The following MCM9 variants were observed in gnomAD, a reference collection of about 807,000 sequenced individuals.
MCM9 encodes DNA helicase MCM9.
In MCM9, 55 loss-of-function variants were observed where a neutral mutation model predicts 72.8. The observed-to-expected ratio is 0.76, with a 90% CI of 0.61 to 0.95. The LOEUF is 0.95. MCM9 is among the 40% of genes least tolerant of loss of function. The probability of loss-of-function intolerance (pLI) is 0.00; values close to 1 mark genes in which losing one functional copy is unlikely to be tolerated. For synonymous variants in MCM9, 480 were observed against 503.4 expected (o/e 0.95, Z 0.62); for missense variants, 1,279 against 1,377.0 (o/e 0.93, Z 1.13).
Position 118,905,592 on chromosome 6 carries a change from T to C in MCM9, c.1150+6058A>G, listed in dbSNP as rs536333803. The C allele has an allele frequency of 1.5e-4, 208 of 1,406,486 alleles. No individual in the cohort carries two copies. In the Middle Eastern group the frequency reaches 1.5e-3, roughly 10 times the overall value. 87.1% of individuals were successfully genotyped at this position (1,406,486 alleles called of 1,614,324 possible). On this transcript the variant is annotated intron_variant, in intron 8 of 13. Coordinates refer to ENST00000619706, the MANE Select transcript of MCM9 (RefSeq NM_017696.3). ...GTTCTAGGTAACTGAAACTCCAGTCTTGCCTGCCACTAACAGCCTTTTGTG... is the reference window on the plus strand; with the variant it reads ...GTTCTAGGTAACTGAAACTCCAGTCCTGCCTGCCACTAACAGCCTTTTGTG...
chr6:118,876,128 GA>G (rs1234567466), intron 8 of MCM9, among the ~76,000 whole-genome samples: 1 of 152,172 alleles, frequency 6.6e-6, no homozygotes, highest in African/African-American at 2.4e-5. Flanking sequence ...AGGCCAATCT[GA>G]AAATACTACA....
intron 6 of MCM9, among the ~76,000 whole-genome samples, chr6:118,914,363 A>G (rs1166284240): frequency 6.6e-6 from 1 of 152,152 alleles, no homozygotes; most frequent in African/African-American, 2.4e-5. Context: ...TAACCAACCT[A>G]TGGAATTCCA....
At chr6:118,888,722 A>G (rs1267766485) in intron 8 of MCM9, among the ~76,000 whole-genome samples, 1 of 152,264 alleles carries the variant, frequency 6.6e-6, no homozygotes, top group Non-Finnish European at 1.5e-5. Context: ...GTATACCTAT[A>G]CAATGGAAAA....
chr6:118,884,625 A>G (rs1778487249), intron 8 of MCM9, among the ~76,000 whole-genome samples: 1 of 152,202 alleles, frequency 6.6e-6, no homozygotes, highest in African/African-American at 2.4e-5. Flanking sequence ...ATCAAAAGGC[A>G]TATATTGACA....
At position 118,824,035 on chromosome 6, in the gene MCM9, CTTTTTTTTTTTTT is replaced by C. The variant is rs137881254; in HGVS notation, c.1961+2099_1961+2111del. On this transcript the variant is annotated intron_variant, in intron 13 of 13. Coordinates refer to ENST00000619706, the MANE Select transcript of MCM9 (RefSeq NM_017696.3). ...TGAAAATATCAATAAGCAAACCCAC[CTTTTTTTTTTTTT>C]TTTTTTTTTTTTTTTTTTTTTTAGA... Among the ~76,000 whole-genome samples, 54 of 54,340 alleles carry C rather than the reference CTTTTTTTTTTTTT, an allele frequency of 9.9e-4. 1 individual carries two copies. In the East Asian group the frequency reaches 0.018, roughly 18 times the overall value. The allele number at this position is 54,340 out of a possible 152,430, so 35.6% of individuals were successfully genotyped here.
chr6:118,815,625 C>CTGAG lies in MCM9; in HGVS notation c.2627_2630dup (p.Gln877HisfsTer8). The CTGAG allele has an allele frequency of 6.4e-7, 1 of 1,550,436 alleles. No individual in the cohort carries two copies. The highest frequency in any genetic ancestry group is 8.7e-7 in the Non-Finnish European group (1 of 1,146,956). On this transcript the variant is annotated frameshift_variant, in exon 14 of 14. Transcript: ENST00000619706. LOFTEE classifies it low-confidence loss of function (END_TRUNC). Reference sequence around the variant, plus strand: ...TGTCTGGGCTATGTACAGGAGTGGACTGAGGATGGGAAGGGACTGTGCACT... The same window carrying CTGAG: ...TGTCTGGGCTATGTACAGGAGTGGACTGAGTGAGGATGGGAAGGGACTGTGCACT...
At chr6:118,910,590 C>T (rs1319128564) in intron 8 of MCM9, 5 of 978,242 alleles carry the variant, frequency 5.1e-6, no homozygotes, top group Non-Finnish European at 6.1e-6. Context: ...GGAAACATTC[C>T]ACATAATTAC....
intron 8 of MCM9, among the ~76,000 whole-genome samples, chr6:118,865,528 G>A (rs549881550): frequency 1.2e-4 from 18 of 152,304 alleles, no homozygotes; most frequent in East Asian, 1.2e-3. Context: ...AAAACATGTA[G>A]CTTCCATCTT....
intron 8 of MCM9, chr6:118,894,259 G>T: frequency 6.9e-7 from 1 of 1,456,462 alleles, no homozygotes; most frequent in African/African-American, 1.4e-5. Context: ...GTGCTCCCGT[G>T]TAAATAAAAA....
chr6:118,889,983 T>C (rs1358616492), intron 8 of MCM9, among the ~76,000 whole-genome samples: 1 of 152,170 alleles, frequency 6.6e-6, no homozygotes, highest in East Asian at 1.9e-4. Flanking sequence ...ATGGAAACCT[T>C]ATAAAAAGTA....
At chr6:118,884,840 G>C (rs1379314020) in intron 8 of MCM9, among the ~76,000 whole-genome samples, 1 of 152,106 alleles carries the variant, frequency 6.6e-6, no homozygotes, top group African/African-American at 2.4e-5. Context: ...CATTTTAAAA[G>C]GATAAAATCA....
intron 8 of MCM9, among the ~76,000 whole-genome samples, chr6:118,869,599 CAAAAAAAA>C: frequency 1.7e-5 from 1 of 58,298 alleles, no homozygotes; most frequent in Non-Finnish European, 3.3e-5. Context: ...AAAGGATTTA[CAAAAAAAA>C]AAAAAAAAAA....
intron 9 of MCM9, among the ~76,000 whole-genome samples, chr6:118,833,538 A>G (rs984015479): frequency 1.3e-5 from 2 of 152,210 alleles, no homozygotes; most frequent in East Asian, 1.9e-4. Flanking sequence ...CCAGGCGTAC[A>G]TAGATAAAGG....
intron 8 of MCM9, among the ~76,000 whole-genome samples, chr6:118,896,375 A>G (rs1779414106): frequency 2.6e-5 from 4 of 151,538 alleles, no homozygotes; most frequent in Admixed American, 1.3e-4. Context: ...AAGTTCTTCA[A>G]ATTACAGGTA....
chr6:118,844,756 T>C (rs1775741226), intron 9 of MCM9, among the ~76,000 whole-genome samples: 1 of 151,896 alleles, frequency 6.6e-6, no homozygotes, highest in African/African-American at 2.4e-5. Context: ...AAGACTTTTC[T>C]CATGAAGAGT....
At chr6:118,857,907 T>A (rs36141626) in intron 8 of MCM9, among the ~76,000 whole-genome samples, 1 of 151,532 alleles carries the variant, frequency 6.6e-6, no homozygotes, top group African/African-American at 2.4e-5. Context: ...GATGGCTTCA[T>A]AGTGAATTCT....
rs1025949187 is a variant in MCM9 at position 118,814,668 on chromosome 6, T to G, written c.*156A>C. 1 of 654,638 alleles carries G rather than the reference T, an allele frequency of 1.5e-6. No homozygotes were observed. The highest frequency in any genetic ancestry group is 2.4e-6 in the Non-Finnish European group (1 of 422,512). The allele number at this position is 654,638 out of a possible 1,614,324, so 40.6% of individuals were successfully genotyped here. ...TATACAACTTTTTAAGTCATGAAGA[T>G]TAACCTGAAATTAGAAAGCCTTAAG... is the stretch of plus-strand genomic sequence containing the variant. On this transcript the variant is annotated 3_prime_UTR_variant, in exon 14 of 14. Transcript: ENST00000619706.
intron 12 of MCM9, among the ~76,000 whole-genome samples, 181 bp downstream of exon 12, chr6:118,826,601 A>G (rs990406002): frequency 6.6e-6 from 1 of 152,152 alleles, no homozygotes; most frequent in Non-Finnish European, 1.5e-5. Context: ...CCATGCAGCA[A>G]ATATCTCCAG....
chr6:118,916,466 A>ATTATT (rs1554261922), intron 6 of MCM9, among the ~76,000 whole-genome samples: 2 of 129,172 alleles, frequency 1.5e-5, no homozygotes, highest in Non-Finnish European at 3.3e-5. Context: ...TATTATTATT[A>ATTATT]TTATTATTAT....
Sources: gnomAD v4.1 joint callset for allele counts (sites outside exome capture counted in the v4.1 genomes callset) on GRCh38, gnomAD v4.1.1 for gene constraint, MANE v1.5 for transcripts, NCBI Gene and HGNC (gene_info 2026-07-23, HGNC 2026-07-21) for gene names.